C11orf58: variants seen among roughly 807,000 people sequenced by gnomAD.
C11orf58 encodes small acidic protein.
In C11orf58, 5 loss-of-function variants were observed where a neutral mutation model predicts 22.7. That is an observed-to-expected ratio of 0.22 (90% CI 0.12 to 0.46). C11orf58 has a LOEUF of 0.46. Ranked by LOEUF, C11orf58 falls within the 20% of genes least tolerant of loss-of-function variation. The pLI, the probability that C11orf58 is intolerant of heterozygous loss-of-function variation, is 0.99. For missense variants in C11orf58, 151 were observed against 223.3 expected, an observed-to-expected ratio of 0.68 and a Z score of 2.06; for synonymous variants, 71 against 70.7, an observed-to-expected ratio of 1.00 and a Z score of -0.02.
chr11:16,744,126 T>G (rs1051248549), intron 1 of C11orf58: 1 of 151,780 alleles, frequency 6.6e-6, no homozygotes, highest in Non-Finnish European at 1.5e-5. Context: ...AAAGGCAGAA[T>G]TTTTAACTTC....
chr11:16,752,743 T>G, intron 3 of C11orf58, 42 bp from the exon 4 acceptor site: 2 of 1,393,740 alleles, frequency 1.4e-6, no homozygotes, highest in Non-Finnish European at 2.0e-6. Context: ...GTGTAAATTA[T>G]TAATTTGACT....
intron 3 of C11orf58, among the ~76,000 whole-genome samples, chr11:16,748,933 A>T (rs567305418): frequency 3.9e-5 from 6 of 152,152 alleles, no homozygotes; most frequent in Non-Finnish European, 8.8e-5. Context: ...GTGAGGTTTT[A>T]TGCCTCAACT....
chr11:16,740,556 G>C lies in C11orf58; in HGVS notation c.63+1715G>C, dbSNP rs115367488. ...CCCCCACCACCACTACAGTAGCTCGGACTACAGGTGTGCACCATTACACCC... is the reference window on the plus strand; with the variant it reads ...CCCCCACCACCACTACAGTAGCTCGCACTACAGGTGTGCACCATTACACCC... On this transcript the variant is annotated intron_variant, in intron 1 of 4. Coordinates refer to ENST00000228136, the MANE Select transcript of C11orf58 (RefSeq NM_014267.6). Among the ~76,000 whole-genome samples the C allele has an allele frequency of 2.3e-3, 345 of 151,872 alleles. 3 individuals carry two copies. Among genetic ancestry groups the C allele is most frequent in the African/African-American group, 7.8e-3 (325 of 41,420 alleles).
intron 2 of C11orf58, among the ~76,000 whole-genome samples, chr11:16,745,268 G>A (rs899398708): frequency 6.6e-6 from 1 of 152,132 alleles, no homozygotes; most frequent in African/African-American, 2.4e-5. Flanking sequence ...TTTGGTTAAC[G>A]TTAATAGAAG....
chr11:16,755,057 G>A lies in C11orf58; in HGVS notation c.505G>A (p.Ala169Thr), dbSNP rs1476077622. 3.1e-6 allele frequency: 5 copies of A among 1,613,988 alleles called. No homozygotes were observed. The highest frequency in any genetic ancestry group is 1.6e-4 in the Middle Eastern group (1 of 6,084). Residue 169 changes from alanine (A) to threonine (T), a missense_variant, in exon 5 of 5, where the codon GCA becomes ACA. By Grantham distance (58) the Ala-to-Thr change is moderately conservative (BLOSUM62 0). Around this residue, in one of 3 missense-constraint regions of C11orf58, gnomAD observed 112 missense variants for 162.6 expected, o/e 0.69. Transcript: ENST00000228136. ...GGAGGATCCCAAAAACAAAAAAGATGCAAAAAGCAATTATAAAATGATGTT... is the reference window on the plus strand; with the variant it reads ...GGAGGATCCCAAAAACAAAAAAGATACAAAAAGCAATTATAAAATGATGTT... The part of the protein sequence containing the change: ...EVEDPKNKKD[A>T]KSNYKMMFVK...
chr11:16,744,802 C>A, intron 2 of C11orf58, 118 bp downstream of exon 2: 1 of 948,564 alleles, frequency 1.1e-6, no homozygotes, highest in Non-Finnish European at 1.6e-6. Flanking sequence ...TGTGTGATTT[C>A]TTTTGGCTTT....
chr11:16,744,705 A>C lies in C11orf58; in HGVS notation c.147+21A>C, dbSNP rs1451324112. 3.7e-6 allele frequency: 6 copies of C among 1,602,438 alleles called. No individual in the cohort carries two copies. The African/African-American group carries it at 6.7e-5, about 18-fold the overall frequency. ...GAAAGGTAAGCATCAGATGGTGTGCATTTTTACCTTTTCTGTGAAAATATT... is the reference window on the plus strand; with the variant it reads ...GAAAGGTAAGCATCAGATGGTGTGCCTTTTTACCTTTTCTGTGAAAATATT... On this transcript the variant is annotated intron_variant, in intron 2 of 4. Coordinates refer to ENST00000228136, the MANE Select transcript of C11orf58 (RefSeq NM_014267.6).
At position 16,756,287 on chromosome 11, in the gene C11orf58, T is replaced by TG. The variant is rs1848576649; in HGVS notation, c.*1184dup. 7.9e-6 allele frequency: 1 copy of TG among 126,178 alleles called. No homozygotes were observed. Among genetic ancestry groups the TG allele is most frequent in the African/African-American group, 2.9e-5 (1 of 34,424 alleles). The allele number at this position is 126,178 out of a possible 1,614,324, so 7.8% of individuals were successfully genotyped here. A position where few individuals can be genotyped will look rare whatever the true frequency, so the allele number is the denominator to read the frequency against. On this transcript the variant is annotated 3_prime_UTR_variant, in exon 5 of 5. Coordinates refer to ENST00000228136, the MANE Select transcript of C11orf58 (RefSeq NM_014267.6). ...GATTTTTTTTTTTTTTTTTTTTTTT[T>TG]GAGACGGAGTCTCATTCTGTCGCCC... is the stretch of plus-strand genomic sequence containing the variant.
At chr11:16,753,523 A>T (rs1387210447) in intron 4 of C11orf58, among the ~76,000 whole-genome samples, 2 of 151,666 alleles carry the variant, frequency 1.3e-5, no homozygotes, top group Non-Finnish European at 2.9e-5. Context: ...CCGCCACACC[A>T]GGCTAATTTT....
chr11:16,744,425 G>A, intron 1 of C11orf58, 176 bp from the exon 2 acceptor site: 1 of 579,046 alleles, frequency 1.7e-6, no homozygotes, highest in Non-Finnish European at 3.1e-6. Flanking sequence ...TGAGGTAATA[G>A]AAAAGGAGTA....
At chr11:16,754,335 C>A (rs1848556490) in intron 4 of C11orf58, among the ~76,000 whole-genome samples, 1 of 151,118 alleles carries the variant, frequency 6.6e-6, no homozygotes, top group Admixed American at 6.6e-5. Flanking sequence ...CTCTTGTTTT[C>A]TTTTGTCTTT....
intron 2 of C11orf58, 169 bp from the exon 3 acceptor site, chr11:16,747,928 C>T (rs1473544140): frequency 1.8e-6 from 1 of 569,422 alleles, no homozygotes. Context: ...TCTCCCTTCC[C>T]CATTCCTACC....
At chr11:16,740,247 T>G (rs1848435246) in intron 1 of C11orf58, among the ~76,000 whole-genome samples, 1 of 152,218 alleles carries the variant, frequency 6.6e-6, no homozygotes, top group Non-Finnish European at 1.5e-5. Context: ...GAAATATCTT[T>G]TAGCGTGACA....
chr11:16,752,047 A>AACAAGATT (rs1234707159), intron 3 of C11orf58: 2 of 152,266 alleles, frequency 1.3e-5, no homozygotes, highest in Non-Finnish European at 2.9e-5. Flanking sequence ...ACAGCAGCCA[A>AACAAGATT]ACAAGATTAC....
chr11:16,755,886 T>A lies in C11orf58; in HGVS notation c.*782T>A, dbSNP rs1013098365. On this transcript the variant is annotated 3_prime_UTR_variant, in exon 5 of 5. Coordinates refer to ENST00000228136, the MANE Select transcript of C11orf58 (RefSeq NM_014267.6). ...CCAAAGGTCTAAATAAAGAGCAGTT[T>A]CCCATATTTGGCTGTGATACCTTTA... The A allele has an allele frequency of 5.9e-5, 9 of 152,630 alleles. No homozygotes were observed. The highest frequency in any genetic ancestry group is 1.3e-4 in the Non-Finnish European group (9 of 68,034). The allele number at this position is 152,630 out of a possible 1,614,324, so 9.5% of individuals were successfully genotyped here. A position where few individuals can be genotyped will look rare whatever the true frequency, so the allele number is the denominator to read the frequency against.
chr11:16,749,018 G>C (rs1306958771), intron 3 of C11orf58: 1 of 152,082 alleles, frequency 6.6e-6, no homozygotes, highest in Admixed American at 6.5e-5. Flanking sequence ...ATTTGGTTTT[G>C]TGTATTCACT....
chr11:16,748,951 T>G (rs1848510224), intron 3 of C11orf58, among the ~76,000 whole-genome samples: 1 of 152,220 alleles, frequency 6.6e-6, no homozygotes, highest in Non-Finnish European at 1.5e-5. Flanking sequence ...ACTTGTTAAC[T>G]CTGGTATGTA....
At position 16,758,249 on chromosome 11, in the gene C11orf58, A is replaced by G. The variant is rs1407972230; in HGVS notation, c.*3145A>G. Among the ~76,000 whole-genome samples, 1 of 152,110 alleles carries G rather than the reference A, an allele frequency of 6.6e-6. No homozygotes were observed. The highest frequency in any genetic ancestry group is 2.4e-5 in the African/African-American group (1 of 41,392). On this transcript the variant is annotated 3_prime_UTR_variant, in exon 5 of 5. Transcript: ENST00000228136. Reference sequence around the variant, plus strand: ...CTTCCTGGAAAATTCCCAGCCCTAGATGTATCCAAGCCCTCCTACCCTCAC... The same window carrying G: ...CTTCCTGGAAAATTCCCAGCCCTAGGTGTATCCAAGCCCTCCTACCCTCAC...
intron 3 of C11orf58, chr11:16,749,407 G>A (rs894051688): frequency 6.6e-6 from 1 of 152,100 alleles, no homozygotes; most frequent in Non-Finnish European, 1.5e-5. Context: ...CCTGAACTTT[G>A]CAGAATGGAA....
Sources: gnomAD v4.1 joint callset for allele counts (sites outside exome capture counted in the v4.1 genomes callset) on GRCh38, gnomAD v4.1.1 for gene constraint, gnomAD v4.1.1 regional missense constraint, MANE v1.5 for transcripts, NCBI Gene and HGNC (gene_info 2026-07-23, HGNC 2026-07-21) for gene names.